Variants in SLC44A3 observed in about 807,000 individuals in gnomAD.
SLC44A3 encodes the protein choline transporter-like protein 3.
Under a neutral mutation model 75.4 loss-of-function variants are expected in SLC44A3, and 74 were observed. The ratio of observed to expected loss-of-function variants is 0.98; its 90% CI spans 0.81 to 1.19. SLC44A3 has a LOEUF of 1.19. Among genes scored for constraint, SLC44A3 ranks in the 50% most tolerant of loss-of-function variants. SLC44A3 has a pLI of 0.00. For synonymous variants in SLC44A3, 310 were observed against 296.9 expected (o/e 1.04, Z -0.45); for missense variants, 700 against 778.6 (o/e 0.90, Z 1.20).
Position 94,839,994 on chromosome 1 carries a change from T to C in SLC44A3, c.717T>C (p.Leu239=). The C allele has an allele frequency of 6.2e-7, 1 of 1,614,152 alleles. No homozygotes were observed. Among genetic ancestry groups the C allele is most frequent in the African/African-American group, 1.3e-5 (1 of 75,054 alleles). ...MMFTFRFITT[L]LVHIFISLVI... ...TTACCTTCAGATTCATCACCACCCT[T>C]CTGGTTCACATTTTCATTTCATTGG... The change falls in exon 7 of 15, where the codon CTT becomes CTC. Residue 239 remains leucine (L), a synonymous_variant. Coordinates refer to ENST00000271227, the MANE Select transcript of SLC44A3 (RefSeq NM_001114106.3).
intron 10 of SLC44A3, among the ~76,000 whole-genome samples, chr1:94,863,403 G>A (rs1197608220): frequency 6.6e-6 from 1 of 152,112 alleles, no homozygotes; most frequent in Non-Finnish European, 1.5e-5. Context: ...ATTCACAGAG[G>A]CCTATGAATC....
At chr1:94,851,756 C>T (rs1665242829) in intron 9 of SLC44A3, among the ~76,000 whole-genome samples, 1 of 152,222 alleles carries the variant, frequency 6.6e-6, no homozygotes, top group South Asian at 2.1e-4. Flanking sequence ...TGTCAGCAGG[C>T]TGGGGCTGGC....
intron 9 of SLC44A3, among the ~76,000 whole-genome samples, chr1:94,846,162 A>AAAC (rs1553200464): frequency 6.6e-6 from 1 of 151,402 alleles, no homozygotes; most frequent in African/African-American, 2.4e-5. Context: ...AAAAAAAAAA[A>AAAC]AGTGTTATGC....
At chr1:94,882,417 G>A (rs1042900658) in intron 12 of SLC44A3, among the ~76,000 whole-genome samples, 4 of 152,154 alleles carry the variant, frequency 2.6e-5, no homozygotes, top group African/African-American at 7.2e-5. Flanking sequence ...GTCAGTAACA[G>A]CCCAGGCATT....
chr1:94,831,378 T>G (rs1170551965), intron 5 of SLC44A3, among the ~76,000 whole-genome samples: 1 of 152,206 alleles, frequency 6.6e-6, no homozygotes, highest in African/African-American at 2.4e-5. Flanking sequence ...GTGCCAAGAC[T>G]GAAAAGCTGG....
intron 5 of SLC44A3, among the ~76,000 whole-genome samples, chr1:94,832,292 T>C (rs1052529991): frequency 7.9e-5 from 12 of 152,220 alleles, no homozygotes; most frequent in Non-Finnish European, 1.6e-4. Flanking sequence ...GTGTATTTCA[T>C]TGTATATAAA....
chr1:94,866,135 T>C (rs1399075787), intron 11 of SLC44A3, among the ~76,000 whole-genome samples: 1 of 152,232 alleles, frequency 6.6e-6, no homozygotes, highest in African/African-American at 2.4e-5. Context: ...TTAGGAAACT[T>C]GCAGGATTTC....
chr1:94,820,945 G>A lies in SLC44A3; in HGVS notation c.28-4G>A, dbSNP rs1256683158. The A allele has an allele frequency of 1.3e-6, 2 of 1,548,014 alleles. No homozygotes were observed. Among genetic ancestry groups the A allele is most frequent in the African/African-American group, 2.7e-5 (2 of 72,800 alleles). ...TTTTTCTCAACTCTCCCTTTTTCTG[G>A]AAGGTTTCTGCAGAAGGAGCCCCTA... On this transcript the variant is annotated splice_polypyrimidine_tract_variant and splice_region_variant and intron_variant, in intron 1 of 14. Coordinates refer to ENST00000271227, the MANE Select transcript of SLC44A3 (RefSeq NM_001114106.3).
rs934358088 is a variant in SLC44A3, at chr1:94,895,104, G to A, written c.*182G>A. 1.7e-5 allele frequency: 9 copies of A among 535,030 alleles called. No homozygotes were observed. Among genetic ancestry groups the A allele is most frequent in the South Asian group, 6.4e-5 (2 of 31,164 alleles). 33.1% of individuals were successfully genotyped at this position (535,030 alleles called of 1,614,324 possible). ...AGGTAACAATACTGGAACTATATTA[G>A]TTTACCTTTTTTTGTACAAATTAGG... On this transcript the variant is annotated 3_prime_UTR_variant, in exon 15 of 15. Coordinates refer to ENST00000271227, the MANE Select transcript of SLC44A3 (RefSeq NM_001114106.3).
rs576493132 is a variant in SLC44A3, at chr1:94,846,615, G to T, written c.1072+1151G>T. Among the ~76,000 whole-genome samples the T allele has an allele frequency of 9.8e-5, 15 of 152,308 alleles. No homozygotes were observed. In the South Asian group the frequency reaches 1.0e-3, roughly 11 times the overall value. ...CTTTTTATCTTACTAACAATGTGAG[G>T]TTAGACAGCTTTTCTGTGGACCACA... is the stretch of plus-strand genomic sequence containing the variant. On this transcript the variant is annotated intron_variant, in intron 9 of 14. Transcript: ENST00000271227.
At position 94,857,621 on chromosome 1, in the gene SLC44A3, TA is replaced by T; in HGVS notation, c.1238+125del. The T allele has an allele frequency of 2.9e-6, 3 of 1,052,336 alleles. No homozygotes were observed. The African/African-American group carries it at 4.9e-5, about 17-fold the overall frequency. The allele number at this position is 1,052,336 out of a possible 1,614,324, so 65.2% of individuals were successfully genotyped here. A position where few individuals can be genotyped will look rare whatever the true frequency, so the allele number is the denominator to read the frequency against. On this transcript the variant is annotated intron_variant, in intron 10 of 14. Transcript: ENST00000271227. Reference sequence around the variant, plus strand: ...GCCCCTTAAAAGAAGTTGGCAAGAATAAAAGAGTAAGCTAAAATTTGGGCTG... The same window carrying T: ...GCCCCTTAAAAGAAGTTGGCAAGAATAAAGAGTAAGCTAAAATTTGGGCTG...
intron 12 of SLC44A3, among the ~76,000 whole-genome samples, chr1:94,875,505 T>C (rs999048560): frequency 6.7e-6 from 1 of 148,990 alleles, no homozygotes; most frequent in Non-Finnish European, 1.5e-5. Flanking sequence ...TTCTCTTCCT[T>C]GCCCCTTCTG....
At chr1:94,827,470 T>A (rs1661523452) in intron 3 of SLC44A3, 37 bp from the exon 4 acceptor site, 1 of 1,611,558 alleles carries the variant, frequency 6.2e-7, no homozygotes, top group South Asian at 1.1e-5. Flanking sequence ...TGAGAAGCAA[T>A]GCTCTAACAC....
chr1:94,856,183 T>C (rs958492355), intron 9 of SLC44A3, among the ~76,000 whole-genome samples: 5 of 152,196 alleles, frequency 3.3e-5, no homozygotes, highest in African/African-American at 1.2e-4. Context: ...TTAATGATAG[T>C]AATAAACCAT....
chr1:94,856,979 C>A (rs923225547), intron 9 of SLC44A3, among the ~76,000 whole-genome samples: 1 of 152,116 alleles, frequency 6.6e-6, no homozygotes, highest in East Asian at 1.9e-4. Flanking sequence ...GATCCGCCCA[C>A]CTCAGCCTCC....
chr1:94,877,355 C>T (rs1305776525), intron 12 of SLC44A3, among the ~76,000 whole-genome samples: 1 of 152,096 alleles, frequency 6.6e-6, no homozygotes, highest in African/African-American at 2.4e-5. Flanking sequence ...AAACAAAAGC[C>T]AGTGAGAATT....
chr1:94,891,015 G>C (rs1670145244), intron 12 of SLC44A3, 115 bp from the exon 13 acceptor site: 1 of 790,320 alleles, frequency 1.3e-6, no homozygotes, highest in Admixed American at 2.9e-5. Flanking sequence ...TATTTGTTAT[G>C]GGTAGAGAGA....
At chr1:94,848,542 C>T (rs934319643) in intron 9 of SLC44A3, among the ~76,000 whole-genome samples, 3 of 152,156 alleles carry the variant, frequency 2.0e-5, no homozygotes. Context: ...CCAGGGGGCC[C>T]CTTGTTGGCT....
intron 1 of SLC44A3, 133 bp downstream of exon 1, chr1:94,820,611 T>A: frequency 7.3e-7 from 1 of 1,369,984 alleles, no homozygotes; most frequent in Non-Finnish European, 9.4e-7. Flanking sequence ...GCTTAGTACC[T>A]TGGGGCCACC....
Sources: allele counts gnomAD v4.1 joint callset (sites outside exome capture counted in the v4.1 genomes callset), GRCh38; gene constraint gnomAD v4.1.1; transcripts MANE v1.5; gene names NCBI Gene and HGNC (gene_info 2026-07-23, HGNC 2026-07-21).